The following KPNA6 variants were observed in gnomAD, a reference collection of about 807,000 sequenced individuals.
KPNA6 encodes karyopherin subunit alpha 6, also known as importin subunit alpha-7.
In KPNA6, 9 loss-of-function variants were observed where a neutral mutation model predicts 72.0. The ratio of observed to expected loss-of-function variants is 0.13; its 90% confidence interval spans 0.08 to 0.22. The LOEUF is 0.22. Ranked by LOEUF, KPNA6 falls within the 10% of genes least tolerant of loss-of-function variation. The pLI is 1.00. For synonymous variants in KPNA6, 219 were observed against 242.1 expected, an observed-to-expected ratio of 0.90 and a Z score of 0.89; for missense variants, 374 against 655.7, an observed-to-expected ratio of 0.57 and a Z score of 4.69.
intron 2 of KPNA6, among the ~76,000 whole-genome samples, chr1:32,154,967 C>T (rs1642110001): frequency 6.6e-6 from 1 of 151,846 alleles, no homozygotes; most frequent in Non-Finnish European, 1.5e-5. Flanking sequence ...AGAAATTAGC[C>T]GGACGTGGTG....
intron 1 of KPNA6, among the ~76,000 whole-genome samples, chr1:32,127,028 G>C (rs1223066166): frequency 3.3e-5 from 5 of 152,180 alleles, no homozygotes; most frequent in Admixed American, 3.3e-4. Flanking sequence ...CATTGATTCA[G>C]CATTTAGGCC....
At chr1:32,123,517 G>C (rs1377347303) in intron 1 of KPNA6, among the ~76,000 whole-genome samples, 1 of 151,998 alleles carries the variant, frequency 6.6e-6, no homozygotes, top group African/African-American at 2.4e-5. Context: ...GAGGTGGGTG[G>C]ATTGCTTGAG....
Position 32,128,385 on chromosome 1 carries a change from ATT to A in KPNA6, c.4+20253_4+20254del, listed in dbSNP as rs1293589892. ...TATATATTTTTTATATTATATATGT[ATT>A]TATATATATATATATATATATATAT... On this transcript the variant is annotated intron_variant, in intron 1 of 13. Coordinates refer to ENST00000373625, the MANE Select transcript of KPNA6 (RefSeq NM_012316.5). 6.7e-5 allele frequency among the ~76,000 whole-genome samples: 5 copies of A among 74,658 alleles called. No individual in the cohort carries two copies. In the East Asian group the frequency reaches 1.8e-3, roughly 27 times the overall value. 49.0% of individuals were successfully genotyped at this position (74,658 alleles called of 152,430 possible). A position where few individuals can be genotyped will look rare whatever the true frequency, so the allele number is the denominator to read the frequency against.
At chr1:32,151,360 T>G (rs1179216714) in intron 1 of KPNA6, among the ~76,000 whole-genome samples, 1 of 152,236 alleles carries the variant, frequency 6.6e-6, no homozygotes, top group Non-Finnish European at 1.5e-5. Context: ...CTCTCAGCCC[T>G]GTGCGAGCTC....
Position 32,154,016 on chromosome 1 carries a change from G to A in KPNA6, c.5-572G>A, listed in dbSNP as rs373103737. On this transcript the variant is annotated intron_variant, in intron 1 of 13. Coordinates refer to ENST00000373625, the MANE Select transcript of KPNA6 (RefSeq NM_012316.5). The stretch of plus-strand genomic sequence containing the variant: ...ATAAAAATTAACCAGTTGTGGTGGT[G>A]TGCGCCTGTAATCCCAGCTACTCGG... 3.3e-5 allele frequency among the ~76,000 whole-genome samples: 5 copies of A among 152,076 alleles called. No homozygotes were observed. In the East Asian group the frequency reaches 7.7e-4, roughly 24 times the overall value.
At chr1:32,159,796 A>C (rs995470392) in intron 6 of KPNA6, among the ~76,000 whole-genome samples, 3 of 152,198 alleles carry the variant, frequency 2.0e-5, no homozygotes, top group African/African-American at 7.2e-5. Flanking sequence ...TTGGTATCAG[A>C]GAATGGGTGG....
chr1:32,169,261 T>C (rs1051665872), intron 12 of KPNA6, among the ~76,000 whole-genome samples: 2 of 151,390 alleles, frequency 1.3e-5, no homozygotes, highest in East Asian at 4.0e-4. Flanking sequence ...GTCCCAGCTG[T>C]TTGGGAGGCT....
chr1:32,135,478 G>T (rs568395102), intron 1 of KPNA6, among the ~76,000 whole-genome samples: 60 of 151,582 alleles, frequency 4.0e-4, no homozygotes, highest in African/African-American at 1.4e-3. Context: ...AATTACAGGC[G>T]TGAGCCACCA....
At chr1:32,115,836 C>T (rs1641319746) in intron 1 of KPNA6, among the ~76,000 whole-genome samples, 1 of 152,128 alleles carries the variant, frequency 6.6e-6, no homozygotes, top group African/African-American at 2.4e-5. Flanking sequence ...CTCTTCCTCC[C>T]AGATTCAAGC....
chr1:32,164,716 T>C (rs1272340007), intron 10 of KPNA6, among the ~76,000 whole-genome samples: 2 of 151,482 alleles, frequency 1.3e-5, no homozygotes, highest in African/African-American at 4.9e-5. Context: ...GACACATGTC[T>C]ATTCAAGTCT....
chr1:32,131,797 A>G (rs1641643008), intron 1 of KPNA6, among the ~76,000 whole-genome samples: 1 of 151,540 alleles, frequency 6.6e-6, no homozygotes. Flanking sequence ...AGTCAGGCAG[A>G]TTGCTTGACC....
Position 32,111,206 on chromosome 1 carries a change from AT to A in KPNA6, c.4+3075del, listed in dbSNP as rs562189324. Among the ~76,000 whole-genome samples, 6 of 152,294 alleles carry A rather than the reference AT, an allele frequency of 3.9e-5. No homozygotes were observed. In the East Asian group the frequency reaches 9.6e-4, roughly 24 times the overall value. Reference sequence around the variant, plus strand: ...AATAAGCTCAGTGAAATAAGTAGAGATTTACTCAGTTTTATAGATTGGGAAA... The same window carrying A: ...AATAAGCTCAGTGAAATAAGTAGAGATTACTCAGTTTTATAGATTGGGAAA... On this transcript the variant is annotated intron_variant, in intron 1 of 13. Transcript: ENST00000373625.
rs373657496 is a variant in KPNA6, at chr1:32,157,397, G to A, written c.283G>A (p.Asp95Asn). 11 of 1,613,900 alleles carry A rather than the reference G, an allele frequency of 6.8e-6. No homozygotes were observed. Among genetic ancestry groups the A allele is most frequent in the Non-Finnish European group, 9.3e-6 (11 of 1,179,966 alleles). Residue 95 changes from aspartate (D) to asparagine (N), a missense_variant, in exon 4 of 14, where the codon GAC becomes AAC. Around this residue, in one of 3 missense-constraint regions of KPNA6, gnomAD observed 298 missense variants for 495.4 expected, o/e 0.60. Transcript: ENST00000373625. ...MVEMLFSDDS[D>N]LQLATTQKFR... ...GGAGATGCTCTTTTCTGATGATTCT[G>A]ACCTGCAGTTAGCAACCACACAGAA...
chr1:32,110,668 G>A (rs887184319), intron 1 of KPNA6, among the ~76,000 whole-genome samples: 3 of 152,164 alleles, frequency 2.0e-5, no homozygotes, highest in Admixed American at 6.6e-5. Context: ...AGGCCGAGGC[G>A]GGTGGATCAC....
At chr1:32,128,387 T>TTATATATATATATATATATATA (rs67312157) in intron 1 of KPNA6, among the ~76,000 whole-genome samples, 20 of 72,158 alleles carry the variant, frequency 2.8e-4, no homozygotes, top group Non-Finnish European at 4.5e-4. Flanking sequence ...ATATATGTAT[T>TTATATATATATATATATATATA]TATATATATA....
At chr1:32,134,100 T>C (rs962133089) in intron 1 of KPNA6, among the ~76,000 whole-genome samples, 1 of 151,188 alleles carries the variant, frequency 6.6e-6, no homozygotes, top group African/African-American at 2.4e-5. Flanking sequence ...AAATTTTTTT[T>C]TTTTTGTATT....
chr1:32,164,535 AGTT>A (rs879400053), intron 10 of KPNA6, among the ~76,000 whole-genome samples: 7 of 151,470 alleles, frequency 4.6e-5, no homozygotes, highest in Admixed American at 4.6e-4. Flanking sequence ...CCTTGCCAAC[AGTT>A]GTTATTTTCC....
At chr1:32,127,996 A>C (rs1641563978) in intron 1 of KPNA6, among the ~76,000 whole-genome samples, 1 of 152,026 alleles carries the variant, frequency 6.6e-6, no homozygotes, top group Non-Finnish European at 1.5e-5. Flanking sequence ...CACACAATGC[A>C]AGTGCTTAGG....
At chr1:32,138,827 G>C (rs1641787514) in intron 1 of KPNA6, among the ~76,000 whole-genome samples, 1 of 152,168 alleles carries the variant, frequency 6.6e-6, no homozygotes, top group African/African-American at 2.4e-5. Flanking sequence ...AATGACTACT[G>C]AGTGGGTCAC....
Sources: allele counts gnomAD v4.1 joint callset (sites outside exome capture counted in the v4.1 genomes callset), GRCh38; gene constraint gnomAD v4.1.1; regional missense constraint gnomAD v4.1.1; transcripts MANE v1.5; gene names NCBI Gene and HGNC (gene_info 2026-07-23, HGNC 2026-07-21).